RELCH: variants seen among roughly 807,000 people sequenced by gnomAD.
The protein encoded by RELCH is RAB11-binding protein RELCH.
RELCH carries 41 observed loss-of-function variants against 150.3 expected under a neutral mutation model. The ratio of observed to expected loss-of-function variants is 0.27; its 90% CI spans 0.21 to 0.35. RELCH has a LOEUF of 0.35. RELCH is among the 10% of genes least tolerant of loss of function. The pLI is 1.00. For synonymous variants in RELCH, 478 were observed against 531.8 expected (o/e 0.90, Z 1.39); for missense variants, 1,092 against 1,467.8 (o/e 0.74, Z 4.18).
At position 62,220,975 on chromosome 18, in the gene RELCH, A is replaced by C. The variant is rs910245788; in HGVS notation, c.617-62A>C. 8 of 1,319,364 alleles carry C rather than the reference A, an allele frequency of 6.1e-6. No individual in the cohort carries two copies. The African/African-American group carries it at 1.0e-4, about 17-fold the overall frequency. 81.7% of individuals were successfully genotyped at this position (1,319,364 alleles called of 1,614,324 possible). On this transcript the variant is annotated intron_variant, in intron 2 of 28. Coordinates refer to ENST00000644646, the MANE Select transcript of RELCH (RefSeq NM_001346231.2). ...TACCCATCCTTGCTTTTTATTTTTT[A>C]ATTTTTGTTTCCCTTTTCTTGGTTG...
At chr18:62,239,021 A>C (rs1031171251) in intron 10 of RELCH, among the ~76,000 whole-genome samples, 1 of 152,128 alleles carries the variant, frequency 6.6e-6, no homozygotes, top group Non-Finnish European at 1.5e-5. Context: ...CCTTACAAGT[A>C]ATGATCGCCT....
chr18:62,275,513 A>ATTTT, intron 22 of RELCH, 40 bp downstream of exon 22: 4 of 1,055,096 alleles, frequency 3.8e-6, no homozygotes, highest in Non-Finnish European at 4.1e-6. Flanking sequence ...AATTATAATG[A>ATTTT]TTTTTTTTTT....
chr18:62,223,524 A>G (rs2041014617), intron 5 of RELCH, among the ~76,000 whole-genome samples: 1 of 152,048 alleles, frequency 6.6e-6, no homozygotes, highest in Non-Finnish European at 1.5e-5. Context: ...GGAAGAAGTA[A>G]TACAAACTCT....
intron 1 of RELCH, among the ~76,000 whole-genome samples, chr18:62,195,189 G>C (rs1178376044): frequency 6.6e-6 from 1 of 151,862 alleles, no homozygotes; most frequent in African/African-American, 2.4e-5. Flanking sequence ...ATAAATTCTT[G>C]TAGCATCGTT....
At chr18:62,259,941 A>G (rs1200501572) in intron 15 of RELCH, among the ~76,000 whole-genome samples, 1 of 151,936 alleles carries the variant, frequency 6.6e-6, no homozygotes, top group Non-Finnish European at 1.5e-5. Flanking sequence ...AATGTAAGAC[A>G]TGAAACTACT....
intron 19 of RELCH, among the ~76,000 whole-genome samples, chr18:62,267,667 C>T (rs555229412): frequency 3.4e-4 from 52 of 151,208 alleles, no homozygotes; most frequent in East Asian, 1.9e-4. Flanking sequence ...GGTGTGGGGG[C>T]GGTGGACAAA....
intron 2 of RELCH, among the ~76,000 whole-genome samples, chr18:62,214,894 C>A (rs955263346): frequency 6.6e-6 from 1 of 152,080 alleles, no homozygotes; most frequent in South Asian, 2.1e-4. Flanking sequence ...ACTCTACCCC[C>A]CTAGAACTCT....
intron 1 of RELCH, 72 bp from the exon 2 acceptor site, chr18:62,211,081 A>G (rs1321868745): frequency 4.0e-6 from 3 of 745,606 alleles, no homozygotes; most frequent in East Asian, 5.8e-5. Context: ...GGAAATAATC[A>G]TAAGTATTTG....
intron 10 of RELCH, among the ~76,000 whole-genome samples, chr18:62,239,016 C>G (rs998986937): frequency 6.6e-6 from 1 of 152,006 alleles, no homozygotes; most frequent in African/African-American, 2.4e-5. Flanking sequence ...GGAAACCTTA[C>G]AAGTAATGAT....
At chr18:62,286,103 C>G (rs1028669697) in intron 25 of RELCH, 9 of 152,006 alleles carry the variant, frequency 5.9e-5, no homozygotes, top group Admixed American at 3.3e-4. Flanking sequence ...TGAGAAAAAC[C>G]TTGTAAAAAG....
At chr18:62,241,890 C>G (rs1204549843) in intron 10 of RELCH, among the ~76,000 whole-genome samples, 1 of 152,140 alleles carries the variant, frequency 6.6e-6, no homozygotes, top group Non-Finnish European at 1.5e-5. Flanking sequence ...CATATACTTA[C>G]AGAATCTATT....
chr18:62,205,439 A>G (rs2148271113), intron 1 of RELCH, among the ~76,000 whole-genome samples: 1 of 152,304 alleles, frequency 6.6e-6, no homozygotes, highest in South Asian at 2.1e-4. Flanking sequence ...GTAAAGTACT[A>G]TTGCCTGTTC....
intron 1 of RELCH, among the ~76,000 whole-genome samples, chr18:62,188,412 T>G (rs1444955389): frequency 6.6e-6 from 1 of 152,228 alleles, no homozygotes; most frequent in Non-Finnish European, 1.5e-5. Flanking sequence ...TAGTGTTACC[T>G]GAATTGCCTG....
At chr18:62,227,182 G>A in intron 5 of RELCH, 107 bp from the exon 6 acceptor site, 1 of 751,774 alleles carries the variant, frequency 1.3e-6, no homozygotes, top group Non-Finnish European at 2.1e-6. Context: ...GCATGACACA[G>A]CAAAACCGAT....
chr18:62,205,248 A>G (rs745707985), intron 1 of RELCH, among the ~76,000 whole-genome samples: 11 of 152,218 alleles, frequency 7.2e-5, no homozygotes, highest in Non-Finnish European at 1.3e-4. Flanking sequence ...AGAGTAAAAT[A>G]TATAAATCTT....
intron 18 of RELCH, 73 bp from the exon 19 acceptor site, chr18:62,266,628 T>A: frequency 1.2e-6 from 1 of 865,266 alleles, no homozygotes; most frequent in Non-Finnish European, 1.9e-6. Context: ...GTAGCAACAG[T>A]AGTAAACATT....
intron 1 of RELCH, among the ~76,000 whole-genome samples, chr18:62,190,569 T>G (rs1360302889): frequency 6.6e-6 from 1 of 152,012 alleles, no homozygotes; most frequent in African/African-American, 2.4e-5. Context: ...AGAGCAAGAC[T>G]CCATCTCAAA....
intron 7 of RELCH, among the ~76,000 whole-genome samples, chr18:62,228,006 TAATC>T (rs2083282929): frequency 6.6e-6 from 1 of 152,112 alleles, no homozygotes. Context: ...GTTCTTGTAA[TAATC>T]CTGTGGGTTT....
intron 27 of RELCH, among the ~76,000 whole-genome samples, chr18:62,294,791 T>C (rs1031731118): frequency 3.3e-5 from 5 of 152,244 alleles, no homozygotes; most frequent in Non-Finnish European, 7.3e-5. Context: ...TTGGTTTTTA[T>C]GTATGATGTG....
Sources: gnomAD v4.1 joint callset for allele counts (sites outside exome capture counted in the v4.1 genomes callset) on GRCh38, gnomAD v4.1.1 for gene constraint, MANE v1.5 for transcripts, NCBI Gene and HGNC (gene_info 2026-07-23, HGNC 2026-07-21) for gene names.